The following DMRT1 variants were observed in gnomAD, a reference collection of about 807,000 sequenced individuals.
DMRT1 encodes the protein doublesex and mab-3 related transcription factor 1.
In DMRT1, 7 loss-of-function variants were observed where a neutral mutation model predicts 32.3. The observed-to-expected ratio is 0.22, with a 90% confidence interval of 0.12 to 0.41. The LOEUF (loss-of-function observed/expected upper bound fraction) is 0.41, where lower values mean the gene tolerates loss of function less well. DMRT1 is among the 10% of genes least tolerant of loss of function. The probability of loss-of-function intolerance (pLI) is 1.00; values close to 1 mark genes in which losing one functional copy is unlikely to be tolerated. For synonymous variants in DMRT1, 278 were observed against 206.1 expected, an observed-to-expected ratio of 1.35 and a Z score of -2.99; for missense variants, 625 against 500.5, an observed-to-expected ratio of 1.25 and a Z score of -2.37.
intron 2 of DMRT1, among the ~76,000 whole-genome samples, chr9:868,692 C>T (rs1406990479): frequency 4.6e-5 from 7 of 152,166 alleles, no homozygotes; most frequent in Admixed American, 4.6e-4. Flanking sequence ...GCAGAGTATA[C>T]TTAAATGAAA....
At chr9:867,866 T>G (rs1357678864) in intron 2 of DMRT1, among the ~76,000 whole-genome samples, 1 of 152,256 alleles carries the variant, frequency 6.6e-6, no homozygotes, top group Non-Finnish European at 1.5e-5. Context: ...TCTCTGTAAG[T>G]GCTGTGTTAT....
intron 2 of DMRT1, among the ~76,000 whole-genome samples, chr9:858,871 ATATAT>A (rs1286266209): frequency 2.0e-4 from 7 of 34,794 alleles, no homozygotes; most frequent in African/African-American, 5.5e-4. Flanking sequence ...AAAAAAAAAA[ATATAT>A]ATATATATAT....
At chr9:852,736 C>T (rs938546454) in intron 2 of DMRT1, among the ~76,000 whole-genome samples, 2 of 152,204 alleles carry the variant, frequency 1.3e-5, no homozygotes, top group Admixed American at 6.5e-5. Context: ...TTCACCCTCC[C>T]CCAGATCAAA....
At chr9:866,783 C>A (rs1161915804) in intron 2 of DMRT1, among the ~76,000 whole-genome samples, 1 of 152,202 alleles carries the variant, frequency 6.6e-6, no homozygotes, top group African/African-American at 2.4e-5. Context: ...AGAGTCCAGT[C>A]ATCCACTTGA....
intron 2 of DMRT1, among the ~76,000 whole-genome samples, chr9:856,045 C>T (rs12351742): frequency 0.42 from 64,295 of 151,756 alleles, 13,792 homozygotes; most frequent in East Asian, 0.59. Flanking sequence ...GCCTTCTGAG[C>T]AGCTGGGATT....
At chr9:950,982 C>T (rs1819409382) in intron 4 of DMRT1, among the ~76,000 whole-genome samples, 1 of 152,054 alleles carries the variant, frequency 6.6e-6, no homozygotes, top group Non-Finnish European at 1.5e-5. Flanking sequence ...AAGTATATCC[C>T]CCTTACTACC....
At chr9:941,329 TC>T (rs139393138) in intron 4 of DMRT1, among the ~76,000 whole-genome samples, 1,664 of 103,856 alleles carry the variant, frequency 0.016, 12 homozygotes, top group African/African-American at 0.029. Context: ...ACACACCCCC[TC>T]CCCCCCCCCA....
chr9:885,099 C>T (rs1037486325), intron 2 of DMRT1, among the ~76,000 whole-genome samples: 2 of 152,192 alleles, frequency 1.3e-5, no homozygotes, highest in African/African-American at 4.8e-5. Flanking sequence ...TTCTTCAGTG[C>T]CCCACTGCTC....
At chr9:890,020 A>G (rs1233253050) in intron 2 of DMRT1, among the ~76,000 whole-genome samples, 1 of 152,026 alleles carries the variant, frequency 6.6e-6, no homozygotes, top group Non-Finnish European at 1.5e-5. Context: ...CAGATAAACA[A>G]TAGAGACATG....
chr9:908,175 G>C (rs559221119), intron 3 of DMRT1, among the ~76,000 whole-genome samples: 51 of 152,170 alleles, frequency 3.4e-4, no homozygotes, highest in Non-Finnish European at 6.9e-4. Flanking sequence ...GTTGTGGGCT[G>C]GGCATGGTGG....
intron 4 of DMRT1, among the ~76,000 whole-genome samples, chr9:940,853 C>T (rs1248715404): frequency 8.5e-5 from 13 of 152,146 alleles, no homozygotes; most frequent in Admixed American, 8.5e-4. Context: ...AACAGCAAAA[C>T]AACCCATTTC....
intron 2 of DMRT1, among the ~76,000 whole-genome samples, chr9:880,799 C>A (rs143504687): frequency 6.6e-6 from 1 of 151,672 alleles, no homozygotes. Context: ...TAAGGACCAG[C>A]GGCCTTCCCC....
intron 3 of DMRT1, among the ~76,000 whole-genome samples, chr9:915,190 T>A (rs1032705356): frequency 6.6e-6 from 1 of 152,212 alleles, no homozygotes; most frequent in African/African-American, 2.4e-5. Context: ...TAAAAGACTG[T>A]CATAAATAAC....
chr9:849,850 T>C (rs2017751), intron 2 of DMRT1, among the ~76,000 whole-genome samples: 105,739 of 151,234 alleles, frequency 0.7, 37,800 homozygotes, highest in Middle Eastern at 0.78. Flanking sequence ...TGAGACAGAG[T>C]TTTGCTCTTG....
chr9:902,158 C>A, intron 3 of DMRT1, among the ~76,000 whole-genome samples: 1 of 151,766 alleles, frequency 6.6e-6, no homozygotes, highest in East Asian at 1.9e-4. Flanking sequence ...GATCCGCCCC[C>A]CTCAGCCTCC....
intron 2 of DMRT1, among the ~76,000 whole-genome samples, chr9:848,073 A>T (rs1329730417): frequency 6.6e-6 from 1 of 152,232 alleles, no homozygotes; most frequent in African/African-American, 2.4e-5. Flanking sequence ...ACATACTGTA[A>T]TTCACAGAAT....
chr9:946,349 G>A (rs917191692), intron 4 of DMRT1, among the ~76,000 whole-genome samples: 3 of 152,128 alleles, frequency 2.0e-5, no homozygotes, highest in Non-Finnish European at 4.4e-5. Context: ...TTGGGTGGAT[G>A]GGAAATGGAG....
chr9:864,651 A>G (rs1589467411), intron 2 of DMRT1, among the ~76,000 whole-genome samples: 1 of 151,916 alleles, frequency 6.6e-6, no homozygotes, highest in Non-Finnish European at 1.5e-5. Context: ...GGCGCCCGCC[A>G]CCACGCCTGG....
chr9:913,676 C>T (rs1818067639), intron 3 of DMRT1, among the ~76,000 whole-genome samples: 1 of 151,518 alleles, frequency 6.6e-6, no homozygotes, highest in South Asian at 2.1e-4. Flanking sequence ...GGGCGGATCA[C>T]TTGAGGCCAG....
Sources: allele counts gnomAD v4.1 joint callset (sites outside exome capture counted in the v4.1 genomes callset), GRCh38; gene constraint gnomAD v4.1.1; transcripts MANE v1.5; gene names NCBI Gene and HGNC (gene_info 2026-07-23, HGNC 2026-07-21).